Variants in CDK6 observed in about 807,000 individuals in gnomAD.
CDK6 encodes the protein cyclin dependent kinase 6.
A neutral mutation model predicts 37.1 loss-of-function variants in CDK6; 6 were observed. The observed-to-expected ratio is 0.16, with a 90% CI of 0.09 to 0.32. The LOEUF (loss-of-function observed/expected upper bound fraction) is 0.32, where lower values mean the gene tolerates loss of function less well. Among genes scored for constraint, CDK6 ranks in the 10% least tolerant of loss-of-function variants. The pLI, the probability that CDK6 is intolerant of heterozygous loss-of-function variation, is 1.00. For missense variants in CDK6, 224 were observed against 418.9 expected (o/e 0.53, Z 4.06); for synonymous variants, 160 against 161.3 (o/e 0.99, Z 0.06).
intron 4 of CDK6, among the ~76,000 whole-genome samples, chr7:92,692,972 T>C (rs552438804): frequency 1.3e-5 from 2 of 152,334 alleles, no homozygotes; most frequent in South Asian, 4.1e-4. Flanking sequence ...TTACTCACTT[T>C]CATCTCTGGT....
At chr7:92,696,286 G>T (rs1463242166) in intron 4 of CDK6, among the ~76,000 whole-genome samples, 3 of 152,134 alleles carry the variant, frequency 2.0e-5, no homozygotes, top group Non-Finnish European at 4.4e-5. Flanking sequence ...AGGCTAAATT[G>T]CTAACAGGCC....
intron 4 of CDK6, among the ~76,000 whole-genome samples, chr7:92,672,728 A>G (rs1371597359): frequency 1.3e-5 from 2 of 152,190 alleles, no homozygotes; most frequent in African/African-American, 4.8e-5. Context: ...ATTTTATATT[A>G]TTCAGATCCC....
At chr7:92,663,521 C>A (rs988189951) in intron 5 of CDK6, among the ~76,000 whole-genome samples, 2 of 151,590 alleles carry the variant, frequency 1.3e-5, no homozygotes, top group Admixed American at 6.6e-5. Context: ...GCAACAACAG[C>A]GAAACCCCGT....
chr7:92,645,559 T>A (rs1344749413), intron 5 of CDK6, among the ~76,000 whole-genome samples: 2 of 152,234 alleles, frequency 1.3e-5, no homozygotes, highest in African/African-American at 4.8e-5. Context: ...AGGGGGCTCC[T>A]GATGACTTCA....
intron 5 of CDK6, among the ~76,000 whole-genome samples, chr7:92,648,556 C>G (rs1445847466): frequency 6.6e-6 from 1 of 152,166 alleles, no homozygotes; most frequent in Non-Finnish European, 1.5e-5. Flanking sequence ...TCTTCACATA[C>G]AGGATACTAA....
intron 4 of CDK6, among the ~76,000 whole-genome samples, chr7:92,699,893 T>C (rs1019103116): frequency 1.3e-5 from 2 of 152,214 alleles, no homozygotes; most frequent in Non-Finnish European, 2.9e-5. Flanking sequence ...GCTTAACCTC[T>C]CCATGCCTCT....
chr7:92,669,742 G>A (rs1797033964), intron 5 of CDK6, among the ~76,000 whole-genome samples: 1 of 152,242 alleles, frequency 6.6e-6, no homozygotes, highest in African/African-American at 2.4e-5. Context: ...GCCCAGTAAT[G>A]AATCAGAATC....
chr7:92,768,069 A>T (rs1799625958), intron 3 of CDK6, among the ~76,000 whole-genome samples: 1 of 152,152 alleles, frequency 6.6e-6, no homozygotes, highest in South Asian at 2.1e-4. Context: ...AAGAACTAAA[A>T]ATGAAAGAAT....
chr7:92,651,914 C>A (rs1469849048), intron 5 of CDK6, among the ~76,000 whole-genome samples: 1 of 152,106 alleles, frequency 6.6e-6, no homozygotes, highest in Admixed American at 6.5e-5. Context: ...TCTGGAAGCA[C>A]ATCAATATTT....
At chr7:92,642,312 T>A (rs1378851986) in intron 5 of CDK6, among the ~76,000 whole-genome samples, 1 of 152,138 alleles carries the variant, frequency 6.6e-6, no homozygotes, top group Admixed American at 6.5e-5. Context: ...GCCTTTGTGG[T>A]GACTGTGGTG....
At chr7:92,673,676 G>C (rs1797139780) in intron 4 of CDK6, among the ~76,000 whole-genome samples, 1 of 152,108 alleles carries the variant, frequency 6.6e-6, no homozygotes, top group Admixed American at 6.5e-5. Flanking sequence ...TCCCCATGGG[G>C]TTTTAGAAAA....
intron 3 of CDK6, among the ~76,000 whole-genome samples, chr7:92,743,047 T>C (rs1173519088): frequency 6.6e-6 from 1 of 151,792 alleles, no homozygotes; most frequent in East Asian, 1.9e-4. Flanking sequence ...TTGCTGCCCT[T>C]TCTCGGTGAA....
chr7:92,643,021 G>C (rs557060530), intron 5 of CDK6, among the ~76,000 whole-genome samples: 1 of 151,900 alleles, frequency 6.6e-6, no homozygotes, highest in South Asian at 2.1e-4. Flanking sequence ...CAGCCTCCAA[G>C]GTAGCTGGGA....
intron 2 of CDK6, among the ~76,000 whole-genome samples, chr7:92,808,348 G>A (rs1039952826): frequency 2.0e-5 from 3 of 152,184 alleles, no homozygotes; most frequent in African/African-American, 7.2e-5. Flanking sequence ...AAAAGAGGGA[G>A]GTTTCTTTGC....
At chr7:92,693,492 T>C (rs1425392413) in intron 4 of CDK6, among the ~76,000 whole-genome samples, 3 of 152,240 alleles carry the variant, frequency 2.0e-5, no homozygotes, top group African/African-American at 7.2e-5. Context: ...TTTTCTAATT[T>C]ATTCATTTAT....
intron 5 of CDK6, among the ~76,000 whole-genome samples, chr7:92,647,311 C>T (rs1255005108): frequency 6.6e-6 from 1 of 152,112 alleles, no homozygotes; most frequent in African/African-American, 2.4e-5. Context: ...GGAAAAAAGT[C>T]AAGGTGTTGT....
chr7:92,645,776 A>G (rs1796432347), intron 5 of CDK6, among the ~76,000 whole-genome samples: 1 of 152,178 alleles, frequency 6.6e-6, no homozygotes, highest in Admixed American at 6.5e-5. Context: ...GCTGGAATTT[A>G]TGAGTATGTT....
intron 3 of CDK6, among the ~76,000 whole-genome samples, chr7:92,771,002 C>T (rs896241673): frequency 1.3e-5 from 2 of 151,780 alleles, no homozygotes; most frequent in African/African-American, 4.8e-5. Flanking sequence ...TTTGGGAGGC[C>T]AAGAGGTGGG....
chr7:92,608,053 A>C lies in CDK6; in HGVS notation c.*7087T>G. 1 of 233,318 alleles carries C rather than the reference A, an allele frequency of 4.3e-6. No individual in the cohort carries two copies. Among genetic ancestry groups the C allele is most frequent in the African/African-American group, 2.2e-5 (1 of 45,462 alleles). 14.5% of individuals were successfully genotyped at this position (233,318 alleles called of 1,614,324 possible). On this transcript the variant is annotated 3_prime_UTR_variant, in exon 8 of 8. Transcript: ENST00000424848. Reference sequence around the variant, plus strand: ...ACTTAAGATTAGAAACTTTCAAGTAAGGGTACAACGGGTATCTTCAGAACT... The same window carrying C: ...ACTTAAGATTAGAAACTTTCAAGTACGGGTACAACGGGTATCTTCAGAACT...
Sources: gnomAD v4.1 joint callset for allele counts (sites outside exome capture counted in the v4.1 genomes callset) on GRCh38, gnomAD v4.1.1 for gene constraint, MANE v1.5 for transcripts, NCBI Gene and HGNC (gene_info 2026-07-23, HGNC 2026-07-21) for gene names.